INTS4: variants seen among roughly 807,000 people sequenced by gnomAD.
INTS4 encodes integrator complex subunit 4, also known as MSTP093.
INTS4 carries 70 observed loss-of-function variants against 119.5 expected under a neutral mutation model. The observed-to-expected ratio is 0.59, with a 90% CI of 0.48 to 0.71. INTS4 has a LOEUF of 0.71. Ranked by LOEUF, INTS4 falls within the 30% of genes least tolerant of loss-of-function variation. INTS4 has a pLI of 0.00. For missense variants in INTS4, 867 were observed against 1,173.2 expected, an observed-to-expected ratio of 0.74 and a Z score of 3.81; for synonymous variants, 316 against 419.6, an observed-to-expected ratio of 0.75 and a Z score of 3.02.
At chr11:77,876,598 T>C (rs868255038), downstream of INTS4, among the ~76,000 whole-genome samples, 2 of 152,182 alleles carry the variant, frequency 1.3e-5, no homozygotes, top group South Asian at 2.1e-4. Flanking sequence ...TCATCTAGCC[T>C]GGAGAATTCT....
Position 77,955,937 on chromosome 11 carries a change from C to G in INTS4, c.918+5G>C. On this transcript the variant is annotated splice_donor_5th_base_variant and intron_variant, in intron 8 of 22. Transcript: ENST00000534064. Reference sequence around the variant, plus strand: ...ATACATACATACATAAAAAGTATAACTTACCAACAGTTTTGCTGCCTGAAC... The same window carrying G: ...ATACATACATACATAAAAAGTATAAGTTACCAACAGTTTTGCTGCCTGAAC... 6.2e-7 allele frequency: 1 copy of G among 1,601,768 alleles called. No homozygotes were observed.
chr11:77,983,194 T>C (rs1023963146), intron 2 of INTS4, among the ~76,000 whole-genome samples: 1 of 152,228 alleles, frequency 6.6e-6, no homozygotes, highest in Non-Finnish European at 1.5e-5. Context: ...AAAATGGGCA[T>C]ATAGTAAGCA....
At chr11:77,956,758 T>TAAA (rs869119193) in intron 7 of INTS4, among the ~76,000 whole-genome samples, 2 of 111,250 alleles carry the variant, frequency 1.8e-5, no homozygotes, top group Non-Finnish European at 3.8e-5. Flanking sequence ...ATAATAATAA[T>TAAA]AAACAAATAA....
chr11:77,890,624 T>C (rs2136389804), intron 21 of INTS4, among the ~76,000 whole-genome samples: 1 of 152,190 alleles, frequency 6.6e-6, no homozygotes, highest in South Asian at 2.1e-4. Flanking sequence ...TGCCTGCCCA[T>C]TTGTATGTCT....
chr11:77,878,257 G>A (rs1951661558), downstream of INTS4, among the ~76,000 whole-genome samples: 1 of 151,896 alleles, frequency 6.6e-6, no homozygotes, highest in Non-Finnish European at 1.5e-5. Flanking sequence ...ACCTACTCAG[G>A]AGGCTGAGGC....
At chr11:77,892,241 C>T (rs915472219) in intron 19 of INTS4, among the ~76,000 whole-genome samples, 2 of 152,148 alleles carry the variant, frequency 1.3e-5, no homozygotes, top group Non-Finnish European at 1.5e-5. Flanking sequence ...AAAACGATTG[C>T]TTCAATGGAG....
At chr11:77,896,300 C>A (rs1195348062) in intron 18 of INTS4, among the ~76,000 whole-genome samples, 3 of 152,094 alleles carry the variant, frequency 2.0e-5, no homozygotes, top group African/African-American at 7.2e-5. Flanking sequence ...CTCAACGGTT[C>A]AGAACAGTGG....
In INTS4 at chr11:77,938,784, A is replaced by C. The variant is rs1308459033; in HGVS notation, c.1032T>G (p.Ser344Arg). 1 of 1,611,998 alleles carries C rather than the reference A, an allele frequency of 6.2e-7. No homozygotes were observed. Among genetic ancestry groups the C allele is most frequent in the Admixed American group, 1.7e-5 (1 of 60,014 alleles). The part of the protein sequence containing the change: ...TAHERAKELY[S>R]SGEFSSGRKW... ...TTCTGCCACTGGAAAACTCCCCCGA[A>C]CTGTAAAGTTCCTTGGCACGCTCAT... is the stretch of plus-strand genomic sequence containing the variant. Residue 344 changes from serine (S) to arginine (R), a missense_variant, in exon 10 of 23, where the codon AGT becomes AGG. By Grantham distance (110) the Ser-to-Arg change is moderately radical (BLOSUM62 -1). This residue lies in a region of INTS4 where 208 missense variants were observed against 306.6 expected (regional missense o/e 0.68). Coordinates refer to ENST00000534064, the MANE Select transcript of INTS4 (RefSeq NM_033547.4).
At chr11:77,958,709 T>G (rs1337147008) in intron 7 of INTS4, 37 bp downstream of exon 7, 1 of 1,293,494 alleles carries the variant, frequency 7.7e-7, no homozygotes, top group Admixed American at 1.7e-5. Flanking sequence ...GAAAACGGCT[T>G]CACAATCAAC....
intron 4 of INTS4, among the ~76,000 whole-genome samples, chr11:77,968,407 T>C (rs1855581645): frequency 6.6e-6 from 1 of 152,176 alleles, no homozygotes; most frequent in South Asian, 2.1e-4. Flanking sequence ...GGACAAATAT[T>C]GCGTGATTCC....
intron 10 of INTS4, among the ~76,000 whole-genome samples, chr11:77,930,251 A>G (rs1953614133): frequency 6.6e-6 from 1 of 152,234 alleles, no homozygotes; most frequent in African/African-American, 2.4e-5. Context: ...TCACAAACAC[A>G]ATTTCCTCTT....
intron 8 of INTS4, among the ~76,000 whole-genome samples, chr11:77,954,784 ACC>A: frequency 1.3e-5 from 2 of 152,278 alleles, no homozygotes; most frequent in Middle Eastern, 6.8e-3. Context: ...TTGCTCATCT[ACC>A]ACTCACCTCC....
intron 13 of INTS4, among the ~76,000 whole-genome samples, chr11:77,922,152 C>T (rs1360182387): frequency 4.0e-5 from 6 of 150,630 alleles, no homozygotes; most frequent in East Asian, 2.0e-4. Flanking sequence ...TGTTTGAACC[C>T]GGGAGGCAGA....
chr11:77,975,264 T>G (rs1022571895), intron 4 of INTS4, among the ~76,000 whole-genome samples: 1 of 152,300 alleles, frequency 6.6e-6, no homozygotes, highest in Non-Finnish European at 1.5e-5. Flanking sequence ...CTGCTTTAGC[T>G]GCATCATTTT....
intron 2 of INTS4, chr11:77,987,069 T>C (rs946744732): frequency 6.6e-6 from 1 of 152,186 alleles, no homozygotes; most frequent in Non-Finnish European, 1.5e-5. Flanking sequence ...TTTATTTTCA[T>C]AAGAATCTGG....
chr11:77,993,810 G>A (rs915224657), intron 1 of INTS4, among the ~76,000 whole-genome samples: 11 of 151,986 alleles, frequency 7.2e-5, no homozygotes, highest in African/African-American at 2.2e-4. Flanking sequence ...GCAGAATCTT[G>A]CCTCACCTCC....
intron 4 of INTS4, among the ~76,000 whole-genome samples, chr11:77,977,119 A>G (rs932147724): frequency 1.3e-5 from 2 of 151,768 alleles, no homozygotes; most frequent in African/African-American, 4.8e-5. Flanking sequence ...AAATAAAAAT[A>G]AATAAATTCT....
Position 77,890,102 on chromosome 11 carries a change from G to A in INTS4, c.2592+1217C>T, listed in dbSNP as rs368784622. 2.8e-4 allele frequency among the ~76,000 whole-genome samples: 43 copies of A among 152,234 alleles called. No individual in the cohort carries two copies. In the South Asian group the frequency reaches 3.5e-3, roughly 12 times the overall value. ...TCATCTGTTCTTCTTAATGCTTTCT[G>A]AGTAATCCTAAAGTGCAGTGAAGGT... On this transcript the variant is annotated intron_variant, in intron 21 of 22. Transcript: ENST00000534064.
chr11:77,928,604 G>A (rs1953569239), intron 10 of INTS4, 57 bp from the exon 11 acceptor site: 5 of 1,542,340 alleles, frequency 3.2e-6, no homozygotes, highest in South Asian at 1.2e-5. Context: ...GCTCACGCCT[G>A]TAATCCCAGC....
Sources: allele counts gnomAD v4.1 joint callset (sites outside exome capture counted in the v4.1 genomes callset), GRCh38; gene constraint gnomAD v4.1.1; regional missense constraint gnomAD v4.1.1; transcripts MANE v1.5; gene names NCBI Gene and HGNC (gene_info 2026-07-23, HGNC 2026-07-21).